The following DPY19L2 variants were observed in gnomAD, a reference collection of about 807,000 sequenced individuals.
DPY19L2 encodes the protein dpy-19 like 2, also known as probable C-mannosyltransferase DPY19L2.
Under a neutral mutation model 97.9 loss-of-function variants are expected in DPY19L2, and 34 were observed. The observed-to-expected ratio is 0.35, with a 90% CI of 0.26 to 0.46. The LOEUF (loss-of-function observed/expected upper bound fraction) is 0.46, where lower values mean the gene tolerates loss of function less well. Among genes scored for constraint, DPY19L2 ranks in the 20% least tolerant of loss-of-function variants. DPY19L2 has a pLI of 1.00. For synonymous variants in DPY19L2, 230 were observed against 307.9 expected (o/e 0.75, Z 2.65); for missense variants, 623 against 911.4 (o/e 0.68, Z 4.07).
upstream of DPY19L2, chr12:63,668,654 G>T: frequency 2.1e-6 from 1 of 484,178 alleles, no homozygotes; most frequent in African/African-American, 1.9e-5. Context: ...CCCAGAGCGT[G>T]CAGCTTCCGG....
chr12:63,597,234 C>G (rs1172560917), intron 14 of DPY19L2, among the ~76,000 whole-genome samples: 2 of 151,904 alleles, frequency 1.3e-5, no homozygotes, highest in African/African-American at 2.4e-5. Flanking sequence ...CTCAGCATCC[C>G]TAAGTGCTGG....
chr12:63,660,079 C>T (rs1434115972), intron 4 of DPY19L2, among the ~76,000 whole-genome samples: 1 of 152,092 alleles, frequency 6.6e-6, no homozygotes, highest in Non-Finnish European at 1.5e-5. Context: ...TTCTAGACAG[C>T]AGTGTGAACT....
intron 1 of DPY19L2, chr12:63,666,367 G>C (rs1442941522): frequency 9.1e-6 from 2 of 220,262 alleles, no homozygotes; most frequent in Non-Finnish European, 1.8e-5. Flanking sequence ...TGAATTGCAA[G>C]CTCTTTCCAA....
In DPY19L2 at chr12:63,668,285, T is replaced by C. The variant is rs10878075; in HGVS notation, c.109A>G (p.Met37Val). ...CCGCCGCCTAGGGCCGACTTTTCCA[T>C]CTCCTCCTCTACCTCCGGCTCCCGG... ...LAREPEVEEE[M>V]EKSALGGGKL... Residue 37 changes from methionine to valine, a missense_variant, in exon 1 of 22, where the codon ATG (methionine) becomes GTG (valine). Coordinates refer to ENST00000324472, the MANE Select transcript of DPY19L2 (RefSeq NM_173812.5). 382,000 of 1,613,494 alleles carry C rather than the reference T, an allele frequency of 0.24. 52,117 individuals are homozygous for C. Among genetic ancestry groups the C allele is most frequent in the East Asian group, 0.58 (26,179 of 44,772 alleles).
At chr12:63,634,803 C>A (rs1350795663) in intron 6 of DPY19L2, among the ~76,000 whole-genome samples, 2 of 152,102 alleles carry the variant, frequency 1.3e-5, no homozygotes, top group Non-Finnish European at 2.9e-5. Context: ...CAGGGTGGAG[C>A]CCACCGCAGC....
intron 16 of DPY19L2, among the ~76,000 whole-genome samples, chr12:63,589,356 G>GAAAA (rs1882429606): frequency 1.6e-4 from 1 of 6,230 alleles, no homozygotes; most frequent in Non-Finnish European, 3.2e-4. Context: ...AAAATGTGTT[G>GAAAA]CAAAAAAAAA....
intron 6 of DPY19L2, among the ~76,000 whole-genome samples, chr12:63,643,418 A>G (rs1415449504): frequency 6.6e-6 from 1 of 152,172 alleles, no homozygotes; most frequent in Non-Finnish European, 1.5e-5. Flanking sequence ...ATGAAAACTC[A>G]ATAAATATTT....
In DPY19L2 at chr12:63,600,371, C is replaced by T. The variant is rs202180639; in HGVS notation, c.1294G>A (p.Ala432Thr). 3.7e-5 allele frequency: 59 copies of T among 1,600,644 alleles called. No homozygotes were observed. The highest frequency in any genetic ancestry group is 1.3e-4 in the East Asian group (6 of 44,718). ...KLNFWLIQGS[A>T]WWCGTIILKF... Reference sequence around the variant, plus strand: ...AAAATGATTGTTCCACACCACCAGGCACTACCTTGAATTAGCTAGAAAATA... The same window carrying T: ...AAAATGATTGTTCCACACCACCAGGTACTACCTTGAATTAGCTAGAAAATA... Residue 432 changes from alanine to threonine, a missense_variant, in exon 13 of 22, where the codon GCC (alanine) becomes ACC (threonine). Ala to Thr is a moderately conservative substitution (Grantham distance 58). This residue lies in a region of DPY19L2 where 294 missense variants were observed against 446.2 expected (regional missense o/e 0.66). Transcript: ENST00000324472.
intron 1 of DPY19L2, among the ~76,000 whole-genome samples, chr12:63,666,851 T>C (rs1036801140): frequency 1.3e-5 from 2 of 152,196 alleles, no homozygotes; most frequent in African/African-American, 4.8e-5. Context: ...AGTCATCTTA[T>C]AAACCACCAA....
At chr12:63,653,236 A>G (rs1894514937) in intron 4 of DPY19L2, among the ~76,000 whole-genome samples, 1 of 152,066 alleles carries the variant, frequency 6.6e-6, no homozygotes, top group Non-Finnish European at 1.5e-5. Flanking sequence ...AGGAGACAGG[A>G]AAGAGGCAGG....
chr12:63,645,352 T>C (rs537705410), intron 5 of DPY19L2, among the ~76,000 whole-genome samples: 36 of 152,260 alleles, frequency 2.4e-4, no homozygotes, highest in Non-Finnish European at 4.7e-4. Flanking sequence ...CTCTTTAATA[T>C]TGGACCACCT....
At chr12:63,579,791 A>G (rs1237965137) in intron 19 of DPY19L2, among the ~76,000 whole-genome samples, 1 of 152,156 alleles carries the variant, frequency 6.6e-6, no homozygotes, top group African/African-American at 2.4e-5. Context: ...TTTGAAAGCT[A>G]TAGACCAAGT....
intron 18 of DPY19L2, 29 bp from the exon 19 acceptor site, chr12:63,580,865 G>C (rs1880755456): frequency 6.2e-7 from 1 of 1,603,844 alleles, no homozygotes; most frequent in Non-Finnish European, 8.5e-7. Context: ...TTTATTTCTA[G>C]TTCTTATATG....
intron 11 of DPY19L2, among the ~76,000 whole-genome samples, chr12:63,615,870 G>T (rs1887740532): frequency 6.6e-6 from 1 of 151,894 alleles, no homozygotes; most frequent in African/African-American, 2.4e-5. Flanking sequence ...AACACAGTCA[G>T]CCCTCCACAT....
In DPY19L2 at chr12:63,666,440, G is replaced by T. The variant is rs772242166; in HGVS notation, c.338-581C>A. ...CTAGTCTGGAGTCACCTGTGCCAACGCCCCATGTATACATAAGACTTCACC... is the reference window on the plus strand; with the variant it reads ...CTAGTCTGGAGTCACCTGTGCCAACTCCCCATGTATACATAAGACTTCACC... On this transcript the variant is annotated intron_variant, in intron 1 of 21. Coordinates refer to ENST00000324472, the MANE Select transcript of DPY19L2 (RefSeq NM_173812.5). 64 of 379,188 alleles carry T rather than the reference G, an allele frequency of 1.7e-4. 1 individual carries two copies. The highest frequency in any genetic ancestry group is 2.9e-4 in the Non-Finnish European group (56 of 192,798). 23.5% of individuals were successfully genotyped at this position (379,188 alleles called of 1,614,324 possible).
intron 13 of DPY19L2, 30 bp downstream of exon 13, chr12:63,600,276 A>G (rs1317885401): frequency 1.3e-6 from 2 of 1,545,536 alleles, no homozygotes; most frequent in South Asian, 1.1e-5. Context: ...ATTTATAAGA[A>G]CTTTCATGTT....
rs587777205 is a variant in DPY19L2 at position 63,569,312 on chromosome 12, T to A, written c.2038A>T (p.Lys680Ter). ...TKIVYSTYSR[K>*]SAKEVRDKLL... ...TTATCTCTTACTTCTTTGGCAGATT[T>A]TCGACTATATGTAGAATAAACTATT... The change falls in exon 21 of 22, where the codon AAA (lysine) becomes TAA (stop). Residue 680 changes from lysine to a stop codon, truncating the protein, a stop_gained. Transcript: ENST00000324472. LOFTEE classifies it high-confidence loss of function. 3.6e-5 allele frequency: 57 copies of A among 1,598,540 alleles called. No homozygotes were observed. Among genetic ancestry groups the A allele is most frequent in the Non-Finnish European group, 4.7e-5 (55 of 1,173,790 alleles).
At chr12:63,566,631 C>T (rs2939896) in intron 21 of DPY19L2, among the ~76,000 whole-genome samples, 77,112 of 151,142 alleles carry the variant, frequency 0.51, 20,996 homozygotes, top group African/African-American at 0.71. Flanking sequence ...AATAGTTTGA[C>T]CCTATTGCTG....
chr12:63,653,135 C>CA (rs1385386089), intron 4 of DPY19L2, among the ~76,000 whole-genome samples: 1 of 152,060 alleles, frequency 6.6e-6, no homozygotes, highest in East Asian at 1.9e-4. Flanking sequence ...AGAGAAAAAA[C>CA]AGATGCTAAC....
Sources: gnomAD v4.1 joint callset for allele counts (sites outside exome capture counted in the v4.1 genomes callset) on GRCh38, gnomAD v4.1.1 for gene constraint, gnomAD v4.1.1 regional missense constraint, MANE v1.5 for transcripts, NCBI Gene and HGNC (gene_info 2026-07-23, HGNC 2026-07-21) for gene names.